BTBD9: variants seen among roughly 807,000 people sequenced by gnomAD.
BTBD9 encodes BTB/POZ domain-containing protein 9.
Under a neutral mutation model 64.3 loss-of-function variants are expected in BTBD9, and 49 were observed. The ratio of observed to expected loss-of-function variants is 0.76; its 90% CI spans 0.61 to 0.97. The LOEUF (loss-of-function observed/expected upper bound fraction) is 0.97. Among genes scored for constraint, BTBD9 ranks in the 50% least tolerant of loss-of-function variants. BTBD9 has a pLI of 0.00. For synonymous variants in BTBD9, 260 were observed against 274.7 expected, an observed-to-expected ratio of 0.95 and a Z score of 0.53; for missense variants, 598 against 762.1, an observed-to-expected ratio of 0.78 and a Z score of 2.53.
intron 6 of BTBD9, among the ~76,000 whole-genome samples, chr6:38,444,676 CT>C (rs760094538): frequency 2.0e-5 from 3 of 152,010 alleles, no homozygotes; most frequent in Non-Finnish European, 2.9e-5. Context: ...AAAAGGGTAC[CT>C]TTTTCATAGG....
At chr6:38,440,570 T>C (rs936347879) in intron 6 of BTBD9, among the ~76,000 whole-genome samples, 2 of 152,220 alleles carry the variant, frequency 1.3e-5, no homozygotes, top group African/African-American at 4.8e-5. Context: ...ACTTTCTTTT[T>C]CAAACATTCT....
chr6:38,266,621 A>AGGAAAGAAAG (rs1491081508), intron 8 of BTBD9, among the ~76,000 whole-genome samples: 8 of 40,150 alleles, frequency 2.0e-4, no homozygotes, highest in East Asian at 1.1e-3. Context: ...AAAGAAAGAA[A>AGGAAAGAAAG]GAAAGAAAGA....
chr6:38,181,692 G>A (rs1761561342), intron 10 of BTBD9, among the ~76,000 whole-genome samples: 1 of 152,164 alleles, frequency 6.6e-6, no homozygotes, highest in African/African-American at 2.4e-5. Flanking sequence ...CCAACACATT[G>A]TTTTCAGTTA....
rs780378509 is a variant in BTBD9 at position 38,172,945 on chromosome 6, C to G, written c.*2040G>C. 6.6e-6 allele frequency: 1 copy of G among 152,312 alleles called. No individual in the cohort carries two copies. Among genetic ancestry groups the G allele is most frequent in the Non-Finnish European group, 1.5e-5 (1 of 68,130 alleles). The allele number at this position is 152,312 out of a possible 1,614,324, so 9.4% of individuals were successfully genotyped here. On this transcript the variant is annotated 3_prime_UTR_variant, in exon 11 of 11. Transcript: ENST00000481247. ...GACTGGAGGGTTGCAGATGCAGGGC[C>G]GGGCAGCTCCTCCAGCACCCCCACC...
At chr6:38,266,992 C>T (rs562112941) in intron 8 of BTBD9, among the ~76,000 whole-genome samples, 1 of 152,344 alleles carries the variant, frequency 6.6e-6, no homozygotes, top group East Asian at 1.9e-4. Context: ...TCCAGCAAGG[C>T]CATCTGCCTT....
intron 1 of BTBD9, among the ~76,000 whole-genome samples, chr6:38,624,671 A>AC (rs376624111): frequency 6.0e-5 from 9 of 148,994 alleles, no homozygotes; most frequent in East Asian, 4.1e-4. Context: ...ACAAAATCCT[A>AC]CCCCCCATCC....
intron 6 of BTBD9, among the ~76,000 whole-genome samples, chr6:38,547,077 T>C (rs1019781724): frequency 6.6e-6 from 1 of 152,192 alleles, no homozygotes; most frequent in Non-Finnish European, 1.5e-5. Context: ...TGTTGCTCCA[T>C]TTATCTGATT....
chr6:38,580,440 A>G lies in BTBD9; in HGVS notation c.815-3T>C. Reference sequence around the variant, plus strand: ...AGTTGCAATGTTTTCTTCTGGTACTACAGTTAAAAATAGAAAAAGCAAGGT... The same window carrying G: ...AGTTGCAATGTTTTCTTCTGGTACTGCAGTTAAAAATAGAAAAAGCAAGGT... On this transcript the variant is annotated splice_region_variant and splice_polypyrimidine_tract_variant and intron_variant, in intron 4 of 10. Transcript: ENST00000481247. The G allele has an allele frequency of 6.2e-7, 1 of 1,610,658 alleles. No individual in the cohort carries two copies. The highest frequency in any genetic ancestry group is 8.5e-7 in the Non-Finnish European group (1 of 1,177,524).
intron 6 of BTBD9, among the ~76,000 whole-genome samples, chr6:38,464,145 G>A (rs573257522): frequency 6.6e-6 from 1 of 152,300 alleles, no homozygotes; most frequent in East Asian, 1.9e-4. Flanking sequence ...CCATGTGTGG[G>A]TACAGGAGGA....
rs540399598 is a variant in BTBD9, at chr6:38,299,559, T to G, written c.1265-11098A>C. On this transcript the variant is annotated intron_variant, in intron 7 of 10. Transcript: ENST00000481247. ...TTAATGATCGCCATTCTAACTGGTG[T>G]GAGATGGTATCTCATTGTGGTTTTG... 2.0e-5 allele frequency among the ~76,000 whole-genome samples: 3 copies of G among 152,340 alleles called. No individual in the cohort carries two copies. In the South Asian group the frequency reaches 6.2e-4, roughly 32 times the overall value.
At chr6:38,185,761 A>G (rs974361535) in intron 10 of BTBD9, among the ~76,000 whole-genome samples, 4 of 152,202 alleles carry the variant, frequency 2.6e-5, no homozygotes, top group South Asian at 2.1e-4. Flanking sequence ...TTGTGTATGC[A>G]TGAATGTTGT....
chr6:38,322,074 C>T (rs1763258499), intron 7 of BTBD9, among the ~76,000 whole-genome samples: 1 of 151,908 alleles, frequency 6.6e-6, no homozygotes, highest in South Asian at 2.1e-4. Flanking sequence ...CTGGCCCTTT[C>T]CCACCAAACG....
intron 7 of BTBD9, among the ~76,000 whole-genome samples, chr6:38,332,702 A>C (rs969522966): frequency 8.5e-5 from 13 of 152,204 alleles, no homozygotes; most frequent in African/African-American, 2.2e-4. Context: ...ATATTAAAAA[A>C]ACACACACAT....
intron 6 of BTBD9, among the ~76,000 whole-genome samples, chr6:38,361,583 G>A (rs553958084): frequency 3.9e-5 from 6 of 152,216 alleles, no homozygotes; most frequent in East Asian, 3.9e-4. Context: ...GCTCATGCCT[G>A]TAATCCCAGC....
At chr6:38,365,619 G>A (rs1040680529) in intron 6 of BTBD9, among the ~76,000 whole-genome samples, 10 of 152,044 alleles carry the variant, frequency 6.6e-5, no homozygotes, top group South Asian at 4.1e-4. Flanking sequence ...TTTGCAGGGC[G>A]TGGTGGCACA....
chr6:38,377,155 C>T (rs1355623444), intron 6 of BTBD9, among the ~76,000 whole-genome samples: 2 of 152,080 alleles, frequency 1.3e-5, no homozygotes, highest in African/African-American at 2.4e-5. Context: ...TGCTACCAGT[C>T]GATTTTGATT....
chr6:38,176,283 T>C (rs560226436), intron 10 of BTBD9, among the ~76,000 whole-genome samples: 2 of 152,350 alleles, frequency 1.3e-5, no homozygotes, highest in South Asian at 2.1e-4. Flanking sequence ...CAGAATTATA[T>C]TGAAAATATA....
intron 6 of BTBD9, among the ~76,000 whole-genome samples, chr6:38,417,814 A>G (rs1203350069): frequency 8.6e-6 from 1 of 116,938 alleles, no homozygotes; most frequent in Non-Finnish European, 1.7e-5. Context: ...AAAAATATTG[A>G]CACATAACTG....
chr6:38,575,370 A>G (rs2127470591), intron 6 of BTBD9, among the ~76,000 whole-genome samples: 1 of 152,340 alleles, frequency 6.6e-6, no homozygotes, highest in East Asian at 1.9e-4. Context: ...CCAAGAGCTT[A>G]TAATTTTAGT....
Sources: allele counts gnomAD v4.1 joint callset (sites outside exome capture counted in the v4.1 genomes callset), GRCh38; gene constraint gnomAD v4.1.1; transcripts MANE v1.5; gene names NCBI Gene and HGNC (gene_info 2026-07-23, HGNC 2026-07-21).